Variants in PPP1R9A observed in about 807,000 individuals in gnomAD.
The protein encoded by PPP1R9A is protein phosphatase 1 regulatory subunit 9A.
In PPP1R9A, 59 loss-of-function variants were observed where a neutral mutation model predicts 141.9. That is an observed-to-expected ratio of 0.42 (90% CI 0.34 to 0.52). The LOEUF is 0.52. Among genes scored for constraint, PPP1R9A ranks in the 20% least tolerant of loss-of-function variants. The pLI, the probability that PPP1R9A is intolerant of heterozygous loss-of-function variation, is 0.10. For synonymous variants in PPP1R9A, 500 were observed against 569.7 expected (o/e 0.88, Z 1.74); for missense variants, 1,444 against 1,611.9 (o/e 0.90, Z 1.78).
At chr7:95,228,184 A>G (rs2152957292) in intron 8 of PPP1R9A, among the ~76,000 whole-genome samples, 1 of 152,292 alleles carries the variant, frequency 6.6e-6, no homozygotes, top group East Asian at 1.9e-4. Context: ...CTACTCGGGC[A>G]AAATACATTA....
intron 12 of PPP1R9A, among the ~76,000 whole-genome samples, chr7:95,260,852 A>G (rs1393804581): frequency 6.6e-6 from 1 of 152,164 alleles, no homozygotes; most frequent in East Asian, 1.9e-4. Context: ...ATAAGTAAAG[A>G]TCATTTTAAC....
In PPP1R9A at chr7:94,939,949, T is replaced by G. The variant is rs116514008; in HGVS notation, c.1395+28441T>G. On this transcript the variant is annotated intron_variant, in intron 2 of 19. Coordinates refer to ENST00000433360, the MANE Select transcript of PPP1R9A (RefSeq NM_001166160.2). ...TGACCTGTGCTAATCACTGATTGCATGCTCTACAAGTAGGAGGTTTTATGT... is the reference window on the plus strand; with the variant it reads ...TGACCTGTGCTAATCACTGATTGCAGGCTCTACAAGTAGGAGGTTTTATGT... Among the ~76,000 whole-genome samples the G allele has an allele frequency of 7.2e-3, 1,090 of 152,066 alleles. 11 individuals carry two copies. Among genetic ancestry groups the G allele is most frequent in the African/African-American group, 0.025 (1,043 of 41,504 alleles).
chr7:95,211,500 A>G (rs1276225613), intron 7 of PPP1R9A, among the ~76,000 whole-genome samples: 3 of 152,102 alleles, frequency 2.0e-5, no homozygotes, highest in Admixed American at 6.6e-5. Context: ...TGGTTTTTCA[A>G]TCTCAGCACT....
At chr7:94,956,906 A>T (rs1459830389) in intron 2 of PPP1R9A, among the ~76,000 whole-genome samples, 1 of 152,192 alleles carries the variant, frequency 6.6e-6, no homozygotes, top group Non-Finnish European at 1.5e-5. Context: ...AATTGCAGAA[A>T]TATAGGTAAT....
intron 2 of PPP1R9A, among the ~76,000 whole-genome samples, chr7:95,002,032 C>T (rs1186681599): frequency 1.3e-5 from 2 of 152,084 alleles, no homozygotes; most frequent in Non-Finnish European, 1.5e-5. Flanking sequence ...CTCTCTGCAG[C>T]AATTAAAAAG....
intron 2 of PPP1R9A, among the ~76,000 whole-genome samples, chr7:95,012,986 A>G (rs1270814960): frequency 2.0e-5 from 3 of 152,002 alleles, no homozygotes; most frequent in Non-Finnish European, 4.4e-5. Context: ...TTTTTTGTAT[A>G]TGTAGTAGGT....
intron 18 of PPP1R9A, chr7:95,287,202 G>A (rs1208716520): frequency 2.6e-6 from 4 of 1,539,650 alleles, no homozygotes; most frequent in Admixed American, 3.3e-5. Flanking sequence ...TCGCTCTTTG[G>A]AGATGACTGA....
chr7:94,998,235 C>A (rs1025049797), intron 2 of PPP1R9A, among the ~76,000 whole-genome samples: 2 of 152,100 alleles, frequency 1.3e-5, no homozygotes, highest in Non-Finnish European at 2.9e-5. Context: ...ATAGTTAAAA[C>A]TTCATCTGCT....
In PPP1R9A at chr7:95,292,592, A is replaced by T. The variant is rs1001582687; in HGVS notation, c.*2289A>T. ...AGTATTTTTCTTTATAACTTTGTAT[A>T]TTGAATGTTTAGATAAATGTCCAAC... is the stretch of plus-strand genomic sequence containing the variant. On this transcript the variant is annotated 3_prime_UTR_variant, in exon 20 of 20. Coordinates refer to ENST00000433360, the MANE Select transcript of PPP1R9A (RefSeq NM_001166160.2). 2 of 152,206 alleles carry T rather than the reference A, an allele frequency of 1.3e-5. No individual in the cohort carries two copies. Among genetic ancestry groups the T allele is most frequent in the Admixed American group, 6.5e-5 (1 of 15,270 alleles). 9.4% of individuals were successfully genotyped at this position (152,206 alleles called of 1,614,324 possible). A position where few individuals can be genotyped will look rare whatever the true frequency, so the allele number is the denominator to read the frequency against.
Position 95,038,501 on chromosome 7 carries a change from A to G in PPP1R9A, c.1396-72758A>G, listed in dbSNP as rs1385484841. ...CTCATGGCCCTGGTGGGAGAAGTGGACAAGTAATCATCCTAAAATGTACCC... is the reference window on the plus strand; with the variant it reads ...CTCATGGCCCTGGTGGGAGAAGTGGGCAAGTAATCATCCTAAAATGTACCC... On this transcript the variant is annotated intron_variant, in intron 2 of 19. Coordinates refer to ENST00000433360, the MANE Select transcript of PPP1R9A (RefSeq NM_001166160.2). Among the ~76,000 whole-genome samples the G allele has an allele frequency of 2.0e-5, 3 of 152,088 alleles. No homozygotes were observed. In the East Asian group the frequency reaches 5.8e-4, roughly 29 times the overall value.
intron 2 of PPP1R9A, among the ~76,000 whole-genome samples, chr7:94,977,633 A>G (rs975160707): frequency 6.6e-6 from 1 of 152,136 alleles, no homozygotes. Context: ...CAATCTGTAG[A>G]CAATTGACAA....
At chr7:95,186,714 T>C (rs1457760395) in intron 5 of PPP1R9A, among the ~76,000 whole-genome samples, 1 of 152,038 alleles carries the variant, frequency 6.6e-6, no homozygotes, top group African/African-American at 2.4e-5. Context: ...TTGCTGAGGG[T>C]TTTAATTGTA....
At chr7:95,026,618 G>T (rs151013280) in intron 2 of PPP1R9A, among the ~76,000 whole-genome samples, 206 of 152,300 alleles carry the variant, frequency 1.4e-3, no homozygotes, top group African/African-American at 4.8e-3. Flanking sequence ...ACTGTGCTGG[G>T]AGATCTGCTG....
intron 12 of PPP1R9A, among the ~76,000 whole-genome samples, chr7:95,253,673 G>A (rs1799191094): frequency 6.6e-6 from 1 of 152,002 alleles, no homozygotes; most frequent in South Asian, 2.1e-4. Context: ...CCACTTTAAG[G>A]CCTGTTTTGA....
At chr7:95,121,358 G>A (rs1457446880) in intron 4 of PPP1R9A, among the ~76,000 whole-genome samples, 1 of 152,142 alleles carries the variant, frequency 6.6e-6, no homozygotes, top group Non-Finnish European at 1.5e-5. Flanking sequence ...GGGTCTGGCA[G>A]TCTGCACCTT....
chr7:95,039,892 C>T (rs1190807862), intron 2 of PPP1R9A, among the ~76,000 whole-genome samples: 1 of 152,024 alleles, frequency 6.6e-6, no homozygotes, highest in Non-Finnish European at 1.5e-5. Flanking sequence ...CAGATAGAAA[C>T]CCACAAACAC....
At chr7:95,060,368 C>G (rs1483449183) in intron 2 of PPP1R9A, among the ~76,000 whole-genome samples, 3 of 152,030 alleles carry the variant, frequency 2.0e-5, no homozygotes, top group Non-Finnish European at 2.9e-5. Context: ...TTGTATAAAT[C>G]AACTTTATGG....
chr7:95,033,785 T>TA (rs1808051667), intron 2 of PPP1R9A, among the ~76,000 whole-genome samples: 1 of 152,144 alleles, frequency 6.6e-6, no homozygotes, highest in African/African-American at 2.4e-5. Flanking sequence ...TTTCTGCTTC[T>TA]ATGAAGTGTG....
At chr7:95,180,399 A>C (rs1176192863) in intron 5 of PPP1R9A, among the ~76,000 whole-genome samples, 2 of 152,200 alleles carry the variant, frequency 1.3e-5, no homozygotes, top group Admixed American at 1.3e-4. Flanking sequence ...AAGGACTTTA[A>C]GAGCCAAAAG....
Sources: allele counts gnomAD v4.1 joint callset (sites outside exome capture counted in the v4.1 genomes callset), GRCh38; gene constraint gnomAD v4.1.1; transcripts MANE v1.5; gene names NCBI Gene and HGNC (gene_info 2026-07-23, HGNC 2026-07-21).